The following TMEM131L variants were observed in gnomAD, a reference collection of about 807,000 sequenced individuals.
TMEM131L encodes the protein transmembrane 131 like.
A neutral mutation model predicts 192.2 loss-of-function variants in TMEM131L; 54 were observed. The ratio of observed to expected loss-of-function variants is 0.28; its 90% CI spans 0.23 to 0.35. The LOEUF (loss-of-function observed/expected upper bound fraction) is 0.35, where lower values mean the gene tolerates loss of function less well. Among genes scored for constraint, TMEM131L ranks in the 10% least tolerant of loss-of-function variants. TMEM131L has a pLI of 1.00. For synonymous variants in TMEM131L, 701 were observed against 704.9 expected, an observed-to-expected ratio of 0.99 and a Z score of 0.09; for missense variants, 1,888 against 1,972.9, an observed-to-expected ratio of 0.96 and a Z score of 0.82.
chr4:153,512,699 C>T (rs1217237706), intron 3 of TMEM131L, among the ~76,000 whole-genome samples: 11 of 152,104 alleles, frequency 7.2e-5, no homozygotes, highest in Admixed American at 6.6e-4. Context: ...CTGAAACCTC[C>T]GCCTCCTGGA....
At chr4:153,616,255 G>A (rs553996810) in intron 26 of TMEM131L, among the ~76,000 whole-genome samples, 1 of 152,232 alleles carries the variant, frequency 6.6e-6, no homozygotes, top group Non-Finnish European at 1.5e-5. Context: ...CAGATTTGCG[G>A]GCAGTGGTTT....
chr4:153,614,696 C>T (rs1732856189), intron 26 of TMEM131L, among the ~76,000 whole-genome samples: 2 of 137,860 alleles, frequency 1.5e-5, no homozygotes, highest in Admixed American at 7.3e-5. Flanking sequence ...GAATATAAGA[C>T]ATTATTGGAA....
chr4:153,473,463 G>A (rs1731298092), intron 2 of TMEM131L, among the ~76,000 whole-genome samples: 1 of 152,178 alleles, frequency 6.6e-6, no homozygotes, highest in African/African-American at 2.4e-5. Flanking sequence ...CTGGTAGGAG[G>A]TGAAGGGAGG....
chr4:153,634,755 C>T (rs1281515161), intron 33 of TMEM131L, among the ~76,000 whole-genome samples: 2 of 152,176 alleles, frequency 1.3e-5, no homozygotes, highest in Non-Finnish European at 2.9e-5. Context: ...TGGAAAATTG[C>T]AGATGCTTGG....
chr4:153,618,117 T>C (rs1733123816), intron 26 of TMEM131L, among the ~76,000 whole-genome samples: 2 of 152,182 alleles, frequency 1.3e-5, no homozygotes, highest in African/African-American at 4.8e-5. Context: ...TTGTGATTTC[T>C]CTTCTTTGAT....
At chr4:153,596,987 A>G (rs1042181917) in intron 20 of TMEM131L, among the ~76,000 whole-genome samples, 1 of 152,168 alleles carries the variant, frequency 6.6e-6, no homozygotes, top group Non-Finnish European at 1.5e-5. Flanking sequence ...ATACAGATGT[A>G]TCTTGAAGCT....
chr4:153,611,248 C>T (rs924727713), intron 25 of TMEM131L, among the ~76,000 whole-genome samples: 19 of 152,278 alleles, frequency 1.2e-4, no homozygotes, highest in African/African-American at 3.6e-4. Context: ...GGATGCTTTA[C>T]GTTTGTATCT....
At chr4:153,533,814 C>T (rs979545041) in intron 3 of TMEM131L, among the ~76,000 whole-genome samples, 1 of 152,114 alleles carries the variant, frequency 6.6e-6, no homozygotes, top group East Asian at 1.9e-4. Flanking sequence ...TTGTCTTGCC[C>T]TCTAACATTT....
chr4:153,509,898 T>G (rs1450931880), intron 3 of TMEM131L, among the ~76,000 whole-genome samples: 2 of 152,198 alleles, frequency 1.3e-5, no homozygotes, highest in East Asian at 3.8e-4. Flanking sequence ...GGGATTGCTT[T>G]TGTAGTAGGA....
At chr4:153,621,317 C>A (rs1233780740) in intron 27 of TMEM131L, among the ~76,000 whole-genome samples, 1 of 152,150 alleles carries the variant, frequency 6.6e-6, no homozygotes. Context: ...AGAATAGTTA[C>A]CCCTCAGGTC....
chr4:153,563,595 G>A (rs1683631180), intron 7 of TMEM131L, among the ~76,000 whole-genome samples: 1 of 149,888 alleles, frequency 6.7e-6, no homozygotes, highest in Non-Finnish European at 1.5e-5. Flanking sequence ...AGCCTCCCGA[G>A]TAGGTGAGAT....
Position 153,612,357 on chromosome 4 carries a change from G to T in TMEM131L, c.3524G>T (p.Arg1175Ile). ...GAAAAGAAGATTCACAAAACATCTAGAGAAGACATGTTTTCTGAGAAACAG... is the reference window on the plus strand; with the variant it reads ...GAAAAGAAGATTCACAAAACATCTATAGAAGACATGTTTTCTGAGAAACAG... ...SSEKKIHKTS[R>I]EDMFSEKQDI... The change falls in exon 26 of 35, where the codon AGA (arginine) becomes ATA (isoleucine). Residue 1175 changes from arginine to isoleucine, a missense_variant. Arg to Ile is a moderately conservative substitution (Grantham distance 97). Coordinates refer to ENST00000409959, the MANE Select transcript of TMEM131L (RefSeq NM_001131007.2). 1 of 1,597,068 alleles carries T rather than the reference G, an allele frequency of 6.3e-7. No individual in the cohort carries two copies. Among genetic ancestry groups the T allele is most frequent in the South Asian group, 1.2e-5 (1 of 84,940 alleles).
intron 28 of TMEM131L, 112 bp downstream of exon 28, chr4:153,621,961 T>A (rs1733446434): frequency 9.7e-7 from 1 of 1,027,400 alleles, no homozygotes; most frequent in African/African-American, 1.6e-5. Context: ...TACAGGCAAC[T>A]TAGCTAATAA....
chr4:153,500,374 T>C (rs774703406), intron 3 of TMEM131L, among the ~76,000 whole-genome samples: 7 of 152,248 alleles, frequency 4.6e-5, no homozygotes, highest in Non-Finnish European at 7.3e-5. Context: ...CCCAAAGTGC[T>C]GGGATTACAG....
intron 7 of TMEM131L, among the ~76,000 whole-genome samples, chr4:153,570,565 A>ATACTC (rs2150604064): frequency 6.6e-6 from 1 of 152,290 alleles, no homozygotes; most frequent in Non-Finnish European, 1.5e-5. Context: ...GGTAGCCGAC[A>ATACTC]TACTCGGCCT....
chr4:153,530,033 CT>C (rs35942570), intron 3 of TMEM131L, among the ~76,000 whole-genome samples: 4,906 of 140,624 alleles, frequency 0.035, 121 homozygotes, highest in African/African-American at 0.083. Flanking sequence ...CTCTGTTGTC[CT>C]TTTTTTTTTT....
intron 1 of TMEM131L, 31 bp downstream of exon 1, chr4:153,466,552 C>A: frequency 1.5e-6 from 2 of 1,292,126 alleles, no homozygotes; most frequent in South Asian, 2.3e-5. Flanking sequence ...CTCGCTCTGC[C>A]TCTCCACCCC....
At chr4:153,557,829 C>T (rs1728575019) in intron 6 of TMEM131L, among the ~76,000 whole-genome samples, 1 of 152,208 alleles carries the variant, frequency 6.6e-6, no homozygotes, top group African/African-American at 2.4e-5. Context: ...GAGGCAGGGT[C>T]TCACTTTGTT....
chr4:153,480,815 T>G lies in TMEM131L; in HGVS notation c.239+6927T>G, dbSNP rs190095610. 9.7e-4 allele frequency among the ~76,000 whole-genome samples: 148 copies of G among 152,332 alleles called. 1 individual carries two copies. Among genetic ancestry groups the G allele is most frequent in the Non-Finnish European group, 5.9e-5 (4 of 68,034 alleles). ...TTCTCCCCAGAGTTCTCCTTTAGCTTGCAGGTGCCACAAAATTACTGTGTC... is the reference window on the plus strand; with the variant it reads ...TTCTCCCCAGAGTTCTCCTTTAGCTGGCAGGTGCCACAAAATTACTGTGTC... On this transcript the variant is annotated intron_variant, in intron 3 of 34. Transcript: ENST00000409959.
Sources: allele counts gnomAD v4.1 joint callset (sites outside exome capture counted in the v4.1 genomes callset), GRCh38; gene constraint gnomAD v4.1.1; transcripts MANE v1.5; gene names NCBI Gene and HGNC (gene_info 2026-07-23, HGNC 2026-07-21).